The following SSBP3 variants were observed in gnomAD, a reference collection of about 807,000 sequenced individuals.
SSBP3 encodes the protein single stranded DNA binding protein 3, also known as single-stranded DNA-binding protein 3.
In SSBP3, 5 loss-of-function variants were observed where a neutral mutation model predicts 69.6. The observed-to-expected ratio is 0.07, with a 90% CI of 0.04 to 0.15. The LOEUF is 0.15. Among genes scored for constraint, SSBP3 ranks in the 10% least tolerant of loss-of-function variants. The pLI, the probability that SSBP3 is intolerant of heterozygous loss-of-function variation, is 1.00. For synonymous variants in SSBP3, 196 were observed against 193.4 expected (o/e 1.01, Z -0.11); for missense variants, 312 against 534.0 (o/e 0.58, Z 4.10).
chr1:54,306,239 C>T (rs1645899312), intron 4 of SSBP3, among the ~76,000 whole-genome samples: 1 of 152,132 alleles, frequency 6.6e-6, no homozygotes, highest in Non-Finnish European at 1.5e-5. Context: ...GTGGATATTA[C>T]ACACTTGCTA....
chr1:54,326,689 G>A (rs1646311366), intron 4 of SSBP3, among the ~76,000 whole-genome samples: 1 of 152,144 alleles, frequency 6.6e-6, no homozygotes, highest in African/African-American at 2.4e-5. Flanking sequence ...GAATACCCAG[G>A]CCGTTCCACC....
chr1:54,333,788 G>A (rs1646461802), intron 4 of SSBP3, among the ~76,000 whole-genome samples: 1 of 152,216 alleles, frequency 6.6e-6, no homozygotes, highest in Admixed American at 6.5e-5. Flanking sequence ...AATGTAGCCA[G>A]GCACAGAGCC....
chr1:54,297,452 A>C (rs1645722240), intron 4 of SSBP3, among the ~76,000 whole-genome samples: 1 of 152,196 alleles, frequency 6.6e-6, no homozygotes, highest in African/African-American at 2.4e-5. Flanking sequence ...CAACATGGTG[A>C]AACCCCCCTC....
chr1:54,225,516 CTCTCT>C (rs1301366137), exon 18 of SSBP3: 8 of 1,022,460 alleles, frequency 7.8e-6, no homozygotes, highest in African/African-American at 1.7e-5. Context: ...CTTTTTTTTC[CTCTCT>C]TAATTCAGAA....
chr1:54,401,344 C>T (rs6668362), intron 4 of SSBP3, among the ~76,000 whole-genome samples: 5,560 of 152,040 alleles, frequency 0.037, 347 homozygotes, highest in African/African-American at 0.13. Context: ...TACAAATCGT[C>T]TTAGCAGATA....
intron 4 of SSBP3, among the ~76,000 whole-genome samples, chr1:54,289,038 AAAAAAAC>A (rs1278600075): frequency 0.1 from 6,045 of 58,002 alleles, 589 homozygotes; most frequent in African/African-American, 0.38. Context: ...AAAAAAAAAC[AAAAAAAC>A]AAAAAAAAAA....
At chr1:54,322,115 G>A (rs1646223726) in intron 4 of SSBP3, among the ~76,000 whole-genome samples, 2 of 152,188 alleles carry the variant, frequency 1.3e-5, no homozygotes, top group African/African-American at 4.8e-5. Context: ...TGTCATTTAT[G>A]ACACCACTGT....
chr1:54,256,071 G>C (rs1410396231), intron 7 of SSBP3, among the ~76,000 whole-genome samples: 1 of 150,896 alleles, frequency 6.6e-6, no homozygotes, highest in Non-Finnish European at 1.5e-5. Flanking sequence ...GCGAGACTCC[G>C]GTTAAAAAAA....
chr1:54,259,309 G>A (rs998353479), intron 5 of SSBP3, among the ~76,000 whole-genome samples: 3 of 152,142 alleles, frequency 2.0e-5, no homozygotes, highest in Non-Finnish European at 4.4e-5. Context: ...AAGTCAGAGA[G>A]CTTTGTGTAT....
rs1046627808 is a variant in SSBP3 at position 54,271,025 on chromosome 1, C to T, written c.366+10413G>A. Among the ~76,000 whole-genome samples the T allele has an allele frequency of 3.9e-5, 6 of 152,332 alleles. No homozygotes were observed. The East Asian group carries it at 9.6e-4, about 24-fold the overall frequency. ...GAGCTGACTGGCACGCTGGGAGCTC[C>T]AGGCTTAGCTGCTGGTCAACACGGA... On this transcript the variant is annotated intron_variant, in intron 5 of 17. Coordinates refer to ENST00000610401, the Ensembl canonical transcript of SSBP3.
chr1:54,406,180 C>A, exon 1 of SSBP3: 1 of 477,824 alleles, frequency 2.1e-6, no homozygotes, highest in Non-Finnish European at 3.5e-6. Flanking sequence ...CAGGCGCTGG[C>A]TCCGCGCTCT....
exon 18 of SSBP3, chr1:54,226,818 CAAAA>C (rs1183273843): frequency 6.7e-6 from 2 of 299,508 alleles, no homozygotes; most frequent in Admixed American, 9.4e-5. Flanking sequence ...CAAAAAACAA[CAAAA>C]AAGTGTCATG....
chr1:54,299,084 T>C (rs993716152), intron 4 of SSBP3, among the ~76,000 whole-genome samples: 18 of 152,116 alleles, frequency 1.2e-4, no homozygotes, highest in Admixed American at 5.9e-4. Flanking sequence ...TTGGTTGTTA[T>C]TAATATTTAA....
At chr1:54,347,825 C>A (rs908976793) in intron 4 of SSBP3, among the ~76,000 whole-genome samples, 2 of 152,234 alleles carry the variant, frequency 1.3e-5, no homozygotes, top group Non-Finnish European at 2.9e-5. Flanking sequence ...CCTCTAGAAC[C>A]TTCAGAGGGC....
At chr1:54,340,097 C>G (rs763615913) in intron 4 of SSBP3, among the ~76,000 whole-genome samples, 2 of 152,046 alleles carry the variant, frequency 1.3e-5, no homozygotes, top group Non-Finnish European at 2.9e-5. Context: ...TCAAGGAAGG[C>G]ATTTGCTTTT....
intron 4 of SSBP3, among the ~76,000 whole-genome samples, chr1:54,357,812 G>A (rs1043155199): frequency 6.6e-6 from 1 of 152,248 alleles, no homozygotes. Flanking sequence ...CACCCAGGGA[G>A]CAGGGATGAT....
chr1:54,237,039 A>G (rs1208487633), intron 14 of SSBP3: 1 of 152,254 alleles, frequency 6.6e-6, no homozygotes, highest in Admixed American at 6.5e-5. Flanking sequence ...ACAAGAGAAC[A>G]ACAATCTCTT....
intron 4 of SSBP3, among the ~76,000 whole-genome samples, chr1:54,282,010 C>T (rs906641309): frequency 2.0e-5 from 3 of 150,450 alleles, no homozygotes; most frequent in African/African-American, 4.9e-5. Context: ...GTCAGAGGAT[C>T]GCTTGAGCCC....
chr1:54,407,748 GA>G (rs1649878479), upstream of SSBP3, among the ~76,000 whole-genome samples: 1 of 86,376 alleles, frequency 1.2e-5, no homozygotes, highest in Non-Finnish European at 2.2e-5. Context: ...AGCCTAGGTT[GA>G]TTTTTTTTTT....
Sources: gnomAD v4.1 joint callset for allele counts (sites outside exome capture counted in the v4.1 genomes callset) on GRCh38, gnomAD v4.1.1 for gene constraint, MANE v1.5 for transcripts, NCBI Gene and HGNC (gene_info 2026-07-23, HGNC 2026-07-21) for gene names.